Variants in ERC2 observed in about 807,000 individuals in gnomAD.
ERC2 encodes the protein ERC protein 2.
ERC2 carries 42 observed loss-of-function variants against 114.8 expected under a neutral mutation model. That is an observed-to-expected ratio of 0.37 (90% CI 0.29 to 0.47). The LOEUF is 0.47. Among genes scored for constraint, ERC2 ranks in the 20% least tolerant of loss-of-function variants. The pLI is 0.99. For missense variants in ERC2, 939 were observed against 1,150.7 expected (o/e 0.82, Z 2.66); for synonymous variants, 454 against 425.5 (o/e 1.07, Z -0.82).
intron 12 of ERC2, among the ~76,000 whole-genome samples, chr3:55,975,757 C>T (rs2069537733): frequency 6.6e-6 from 1 of 152,200 alleles, no homozygotes; most frequent in Non-Finnish European, 1.5e-5. Flanking sequence ...TCAGCCCTTT[C>T]TGCCCTTCTT....
intron 10 of ERC2, among the ~76,000 whole-genome samples, chr3:55,999,186 A>G (rs1005045780): frequency 6.6e-6 from 1 of 152,186 alleles, no homozygotes; most frequent in Non-Finnish European, 1.5e-5. Context: ...AGGGAAGAAA[A>G]AGAACCCAAC....
intron 6 of ERC2, among the ~76,000 whole-genome samples, chr3:56,091,129 G>A (rs2077765203): frequency 6.6e-6 from 1 of 152,100 alleles, no homozygotes; most frequent in Non-Finnish European, 1.5e-5. Flanking sequence ...TAGGGGACAG[G>A]AATGGAGGCC....
At chr3:56,113,353 A>G (rs1336792972) in intron 6 of ERC2, among the ~76,000 whole-genome samples, 1 of 152,220 alleles carries the variant, frequency 6.6e-6, no homozygotes, top group African/African-American at 2.4e-5. Flanking sequence ...GGAGTTTCAG[A>G]GCAGAAAACA....
At chr3:55,561,951 C>G (rs2056053166) in intron 17 of ERC2, among the ~76,000 whole-genome samples, 1 of 152,134 alleles carries the variant, frequency 6.6e-6, no homozygotes, top group Non-Finnish European at 1.5e-5. Context: ...AGAATGCTAG[C>G]CTGGAGTTGA....
chr3:55,723,303 A>G (rs1039462016), intron 15 of ERC2, among the ~76,000 whole-genome samples: 1 of 152,170 alleles, frequency 6.6e-6, no homozygotes, highest in African/African-American at 2.4e-5. Context: ...GAGTAGTGGG[A>G]TTATGGGTAA....
chr3:55,778,147 T>A (rs1428428613), intron 14 of ERC2, among the ~76,000 whole-genome samples: 1 of 152,196 alleles, frequency 6.6e-6, no homozygotes, highest in Non-Finnish European at 1.5e-5. Flanking sequence ...TAAATGCATA[T>A]GCTTATGTAT....
At chr3:56,032,901 C>CAGAA (rs200940238) in intron 7 of ERC2, among the ~76,000 whole-genome samples, 759 of 36,900 alleles carry the variant, frequency 0.021, 37 homozygotes, top group Middle Eastern at 0.033. Context: ...GAGAGAGAGA[C>CAGAA]AGAAAGAAAG....
intron 15 of ERC2, among the ~76,000 whole-genome samples, chr3:55,715,217 T>C (rs1486319205): frequency 6.6e-6 from 1 of 152,166 alleles, no homozygotes; most frequent in African/African-American, 2.4e-5. Flanking sequence ...CCCAAGACCC[T>C]GTCAGGCTCT....
intron 14 of ERC2, among the ~76,000 whole-genome samples, chr3:55,847,477 T>A (rs947178996): frequency 3.3e-5 from 5 of 151,844 alleles, no homozygotes; most frequent in African/African-American, 1.2e-4. Context: ...TCACAGGGAG[T>A]AGTTGAATAA....
At position 55,783,114 on chromosome 3, in the gene ERC2, C is replaced by T. The variant is rs184652003; in HGVS notation, c.2565-48196G>A. On this transcript the variant is annotated intron_variant, in intron 14 of 17. Coordinates refer to ENST00000288221, the MANE Select transcript of ERC2 (RefSeq NM_015576.3). ...TTCACCCACATCATCTAATAATTCT[C>T]ACCAAATGCTCCCTGGAAGGATGCA... Among the ~76,000 whole-genome samples, 12 of 152,316 alleles carry T rather than the reference C, an allele frequency of 7.9e-5. No homozygotes were observed. The East Asian group carries it at 1.9e-3, about 24-fold the overall frequency.
chr3:56,436,166 A>G (rs545550374), intron 1 of ERC2, among the ~76,000 whole-genome samples: 8 of 152,292 alleles, frequency 5.3e-5, no homozygotes, highest in Non-Finnish European at 8.8e-5. Flanking sequence ...GCTTTACAAC[A>G]ATAAAAGAAC....
chr3:55,848,280 T>C (rs900099987), intron 14 of ERC2, among the ~76,000 whole-genome samples: 3 of 152,182 alleles, frequency 2.0e-5, no homozygotes, highest in Non-Finnish European at 4.4e-5. Context: ...ACTCACTCAA[T>C]AGGTATTTTA....
chr3:56,235,960 T>C lies in ERC2; in HGVS notation c.1074+60059A>G, dbSNP rs9872982. Among the ~76,000 whole-genome samples the C allele has an allele frequency of 4.9e-3, 739 of 152,270 alleles. 11 individuals carry two copies. Among genetic ancestry groups the C allele is most frequent in the African/African-American group, 0.016 (674 of 41,538 alleles). ...TTGAAAGCCCTGGTAAATAACAATA[T>C]AAAATTATTTAAGTGGGAGGATCAA... On this transcript the variant is annotated intron_variant, in intron 3 of 17. Coordinates refer to ENST00000288221, the MANE Select transcript of ERC2 (RefSeq NM_015576.3).
chr3:56,056,869 T>G (rs180779832), intron 7 of ERC2, among the ~76,000 whole-genome samples: 6 of 152,300 alleles, frequency 3.9e-5, no homozygotes, highest in African/African-American at 7.2e-5. Context: ...TAGGCGCCAG[T>G]TATTGTACTG....
At chr3:56,232,651 G>C (rs1672915800) in intron 3 of ERC2, among the ~76,000 whole-genome samples, 1 of 152,198 alleles carries the variant, frequency 6.6e-6, no homozygotes, top group African/African-American at 2.4e-5. Context: ...AACTGAAAGT[G>C]AAGTGGCCAG....
At chr3:56,085,104 T>G (rs2149769729) in intron 6 of ERC2, among the ~76,000 whole-genome samples, 1 of 152,274 alleles carries the variant, frequency 6.6e-6, no homozygotes, top group Admixed American at 6.5e-5. Flanking sequence ...CTTAGGATTT[T>G]TAAAGGCAGG....
At chr3:56,189,652 C>T (rs1442974172) in intron 3 of ERC2, among the ~76,000 whole-genome samples, 1 of 152,206 alleles carries the variant, frequency 6.6e-6, no homozygotes, top group Non-Finnish European at 1.5e-5. Flanking sequence ...TAGAGAATTG[C>T]CTTCTGTGAG....
chr3:55,974,486 T>A (rs2069423364), intron 12 of ERC2, among the ~76,000 whole-genome samples: 1 of 152,248 alleles, frequency 6.6e-6, no homozygotes, highest in Non-Finnish European at 1.5e-5. Flanking sequence ...TGCGGTTCTC[T>A]AATCACACTG....
At chr3:55,834,581 T>C (rs1001203829) in intron 14 of ERC2, among the ~76,000 whole-genome samples, 66 of 151,348 alleles carry the variant, frequency 4.4e-4, no homozygotes, top group African/African-American at 1.5e-3. Flanking sequence ...AGACACAACA[T>C]ACAAGAATCT....
Sources: allele counts gnomAD v4.1 joint callset (sites outside exome capture counted in the v4.1 genomes callset), GRCh38; gene constraint gnomAD v4.1.1; transcripts MANE v1.5; gene names NCBI Gene and HGNC (gene_info 2026-07-23, HGNC 2026-07-21).